The following TENM1 variants were observed in gnomAD, a reference collection of about 807,000 sequenced individuals.
The protein encoded by TENM1 is teneurin-1.
In TENM1, 35 loss-of-function variants were observed where a neutral mutation model predicts 174.8. The ratio of observed to expected loss-of-function variants is 0.20; its 90% CI spans 0.15 to 0.27. TENM1 has a LOEUF of 0.27. Ranked by LOEUF, TENM1 falls within the 10% of genes least tolerant of loss-of-function variation. The pLI, the probability that TENM1 is intolerant of heterozygous loss-of-function variation, is 1.00. For missense variants in TENM1, 1,633 were observed against 2,130.1 expected (o/e 0.77, Z 4.59); for synonymous variants, 781 against 798.7 (o/e 0.98, Z 0.37).
chrX:124,523,711 T>C, intron 16 of TENM1, 86 bp from the exon 20 acceptor site: 1 of 977,597 alleles, frequency 1.0e-6, no homozygotes, highest in South Asian at 2.4e-5. Flanking sequence ...CAGTGCCCTT[T>C]CCTTTTTGGG....
At chrX:124,600,226 G>A (rs1444307766) in intron 11 of TENM1, among the ~76,000 whole-genome samples, 2 of 110,366 alleles carry the variant, frequency 1.8e-5, no homozygotes, top group Non-Finnish European at 3.8e-5. Flanking sequence ...ACAGGGCAGG[G>A]AAAGTGCAAG....
the TENM1 span, among the ~76,000 whole-genome samples, chrX:125,053,688 C>T: frequency 8.1e-5 from 9 of 111,304 alleles, no homozygotes; most frequent in Non-Finnish European, 9.4e-5. Context: ...TTTTGGAAGA[C>T]ATATTAAACA....
rs539798638 is a variant in TENM1 at position 124,797,145 on chromosome X, T to G, written c.536-59948A>C. Reference sequence around the variant, plus strand: ...GTAGACTTTAAACTCCTGGCATTTTTGGGTTGTAGCTTACTCAATTTTGTA... The same window carrying G: ...GTAGACTTTAAACTCCTGGCATTTTGGGGTTGTAGCTTACTCAATTTTGTA... On this transcript the variant is annotated intron_variant, in intron 3 of 31. Transcript: ENST00000422452. 1.3e-4 allele frequency among the ~76,000 whole-genome samples: 14 copies of G among 111,968 alleles called. No homozygotes were observed. In the South Asian group the frequency reaches 4.5e-3, roughly 36 times the overall value.
intron 3 of TENM1, among the ~76,000 whole-genome samples, chrX:124,806,860 C>A (rs1050073208): frequency 9.1e-6 from 1 of 109,912 alleles, no homozygotes. Flanking sequence ...GGGGGAGGTA[C>A]CATTTTCTGT....
intron 14 of TENM1, among the ~76,000 whole-genome samples, chrX:124,554,910 T>C (rs1381621160): frequency 8.9e-6 from 1 of 112,101 alleles, no homozygotes; most frequent in Non-Finnish European, 1.9e-5. Flanking sequence ...AATATGAATA[T>C]AGACCACTGG....
chrX:125,076,590 C>T, the TENM1 span, among the ~76,000 whole-genome samples: 1 of 111,151 alleles, frequency 9.0e-6, no homozygotes, highest in South Asian at 3.8e-4. Flanking sequence ...AATTGCAGCT[C>T]GGCCCTGGGC....
intron 1 of TENM1, among the ~76,000 whole-genome samples, chrX:124,951,673 T>TATATATATATATATATATATATAA (rs767583231): frequency 2.9e-4 from 19 of 66,072 alleles, no homozygotes; most frequent in African/African-American, 5.6e-4. Flanking sequence ...TATATATATA[T>TATATATATATATATATATATATAA]AACAATCAAT....
the TENM1 span, among the ~76,000 whole-genome samples, chrX:125,184,252 C>T: frequency 8.9e-6 from 1 of 111,844 alleles, no homozygotes; most frequent in Middle Eastern, 4.2e-3. Context: ...TAACATTTTC[C>T]ACACATTTAA....
intron 3 of TENM1, among the ~76,000 whole-genome samples, chrX:124,788,412 C>A (rs976994808): frequency 1.8e-5 from 2 of 111,714 alleles, no homozygotes; most frequent in African/African-American, 6.5e-5. Flanking sequence ...TCCCAACAGT[C>A]CCCTAAAGTC....
intron 11 of TENM1, among the ~76,000 whole-genome samples, chrX:124,622,635 G>A (rs2050543484): frequency 9.0e-6 from 1 of 111,147 alleles, no homozygotes; most frequent in African/African-American, 3.3e-5. Context: ...CTTTTTGATT[G>A]CTATATAATG....
chrX:124,640,104 T>C (rs1338949257), intron 11 of TENM1, among the ~76,000 whole-genome samples: 2 of 110,812 alleles, frequency 1.8e-5, no homozygotes, highest in African/African-American at 3.3e-5. Flanking sequence ...ATATAACCTC[T>C]ATATGTATAT....
exon 2 of TENM1, chrX:124,896,002 T>C: frequency 8.3e-7 from 1 of 1,211,580 alleles, no homozygotes; most frequent in Non-Finnish European, 1.1e-6. Context: ...TCAGACTTCC[T>C]TTCATGGTCA....
chrX:124,475,325 C>T (rs1299226893), intron 22 of TENM1, among the ~76,000 whole-genome samples: 1 of 111,461 alleles, frequency 9.0e-6, no homozygotes, highest in Non-Finnish European at 1.9e-5. Flanking sequence ...ATTTATTCCC[C>T]GTCTTCTTTA....
intron 22 of TENM1, among the ~76,000 whole-genome samples, chrX:124,455,272 T>TATAA (rs1354720428): frequency 9.0e-5 from 10 of 111,723 alleles, no homozygotes; most frequent in Non-Finnish European, 1.9e-4. Context: ...TTTTTAGAGG[T>TATAA]ATAAGGACCC....
At chrX:124,883,750 T>TG (rs763208399) in intron 3 of TENM1, among the ~76,000 whole-genome samples, 5 of 111,826 alleles carry the variant, frequency 4.5e-5, no homozygotes, top group African/African-American at 1.6e-4. Context: ...AGGTGGTGCA[T>TG]GCTGACGGGT....
the TENM1 span, among the ~76,000 whole-genome samples, chrX:125,068,125 C>T: frequency 9.0e-6 from 1 of 111,553 alleles, no homozygotes; most frequent in African/African-American, 3.3e-5. Context: ...TGGGAGCTGT[C>T]CTGGGAAAAG....
At chrX:124,676,856 C>T in intron 5 of TENM1, among the ~76,000 whole-genome samples, 1 of 90,268 alleles carries the variant, frequency 1.1e-5, no homozygotes, top group Admixed American at 1.2e-4. Context: ...AAGAGGCACT[C>T]ATTGACTCAA....
chrX:124,765,312 C>T (rs1159051568), intron 3 of TENM1, among the ~76,000 whole-genome samples: 3 of 111,989 alleles, frequency 2.7e-5, no homozygotes, highest in Non-Finnish European at 5.6e-5. Context: ...TAAGTCTCTG[C>T]TTCGTGCAAT....
chrX:125,147,167 T>C, the TENM1 span, among the ~76,000 whole-genome samples: 1 of 109,496 alleles, frequency 9.1e-6, no homozygotes, highest in Non-Finnish European at 1.9e-5. Flanking sequence ...TATGTGTGTA[T>C]ATATATCACA....
Sources: gnomAD v4.1 joint callset for allele counts (sites outside exome capture counted in the v4.1 genomes callset) on GRCh38, gnomAD v4.1.1 for gene constraint, MANE v1.5 for transcripts, NCBI Gene and HGNC (gene_info 2026-07-23, HGNC 2026-07-21) for gene names.